Variants in PLAC1 observed in about 807,000 individuals in gnomAD.
The protein encoded by PLAC1 is placenta associated 1.
For missense variants in PLAC1, 136 were observed against 163.2 expected (o/e 0.83, Z 0.91); for synonymous variants, 68 against 62.1 (o/e 1.09, Z -0.44).
At chrX:134,586,111 C>G (rs2077998787) in intron 2 of PLAC1, among the ~76,000 whole-genome samples, 1 of 111,128 alleles carries the variant, frequency 9.0e-6, no homozygotes, top group Non-Finnish European at 1.9e-5. Flanking sequence ...TTGCCCATTT[C>G]TGTGAAAAAA....
chrX:134,728,026 G>A (rs914963610), intron 2 of PLAC1, among the ~76,000 whole-genome samples: 2 of 111,497 alleles, frequency 1.8e-5, no homozygotes, highest in African/African-American at 3.3e-5. Flanking sequence ...ATGTTCAATG[G>A]CGGATTTGAA....
chrX:134,694,808 T>G (rs2078556916), intron 2 of PLAC1, among the ~76,000 whole-genome samples: 1 of 111,828 alleles, frequency 8.9e-6, no homozygotes, highest in Admixed American at 9.5e-5. Flanking sequence ...TCATTTTTAT[T>G]AGCATACGAT....
intron 1 of PLAC1, chrX:134,651,077 G>A: frequency 3.5e-6 from 1 of 283,892 alleles, no homozygotes; most frequent in Non-Finnish European, 7.2e-6. Flanking sequence ...TATGTGAATT[G>A]GAGAAAAAGT....
chrX:134,566,776 T>C (rs2077878921), intron 2 of PLAC1, 36 bp from the exon 3 acceptor site: 1 of 688,777 alleles, frequency 1.5e-6, no homozygotes, highest in Admixed American at 3.1e-5. Flanking sequence ...CAAGTCATCT[T>C]ATTTTCTATT....
chrX:134,565,898 A>C lies in PLAC1; in HGVS notation c.*146T>G. 1 of 440,783 alleles carries C rather than the reference A, an allele frequency of 2.3e-6. No individual in the cohort carries two copies. Among genetic ancestry groups the C allele is most frequent in the Non-Finnish European group, 3.9e-6 (1 of 258,096 alleles). 36.3% of individuals were successfully genotyped at this position (440,783 alleles called of 1,213,427 possible). ...TTACACATGAATATAAAAATATAGA[A>C]AAAGGCTTAATTCATGAAGTTGCTA... On this transcript the variant is annotated 3_prime_UTR_variant, in exon 3 of 3. Transcript: ENST00000359237.
At chrX:134,743,069 T>C (rs1192184086) in intron 1 of PLAC1, among the ~76,000 whole-genome samples, 2 of 111,836 alleles carry the variant, frequency 1.8e-5, no homozygotes, top group Admixed American at 1.9e-4. Flanking sequence ...AGAAAAACCA[T>C]GCTCAAGGAT....
intron 1 of PLAC1, among the ~76,000 whole-genome samples, chrX:134,749,046 G>T (rs1256022526): frequency 8.9e-6 from 1 of 112,286 alleles, no homozygotes; most frequent in East Asian, 2.8e-4. Flanking sequence ...GCTGGGCATG[G>T]TGGCTCACAC....
At chrX:134,639,195 C>T (rs1005634261) in intron 1 of PLAC1, among the ~76,000 whole-genome samples, 1 of 111,638 alleles carries the variant, frequency 9.0e-6, no homozygotes, top group Admixed American at 9.6e-5. Flanking sequence ...CATTTTCTGA[C>T]GACTCTCCTC....
chrX:134,706,221 A>G (rs1248402115), intron 2 of PLAC1, among the ~76,000 whole-genome samples: 1 of 113,094 alleles, frequency 8.8e-6, no homozygotes, highest in Non-Finnish European at 1.9e-5. Flanking sequence ...TATTCATGCC[A>G]GCAAAGGCTG....
chrX:134,616,571 G>C (rs897223298), intron 1 of PLAC1, among the ~76,000 whole-genome samples: 24 of 109,519 alleles, frequency 2.2e-4, no homozygotes, highest in African/African-American at 7.6e-4. Context: ...GGGAGGCAGA[G>C]CTTGCAGTGA....
chrX:134,724,774 G>C (rs1000961063), intron 2 of PLAC1, among the ~76,000 whole-genome samples: 3 of 111,958 alleles, frequency 2.7e-5, no homozygotes, highest in Admixed American at 9.5e-5. Flanking sequence ...AGGCCAAGGT[G>C]GGGGGATCAT....
At chrX:134,595,836 T>C (rs2078059758) in intron 2 of PLAC1, among the ~76,000 whole-genome samples, 1 of 110,321 alleles carries the variant, frequency 9.1e-6, no homozygotes, top group Admixed American at 9.8e-5. Context: ...TGTCTTCTAA[T>C]TGGTGTATTT....
intron 1 of PLAC1, among the ~76,000 whole-genome samples, chrX:134,625,122 C>G: frequency 9.0e-6 from 1 of 111,637 alleles, no homozygotes. Flanking sequence ...ATGAACTCCC[C>G]TTCATTTTAT....
chrX:134,638,344 C>T (rs138063704), intron 1 of PLAC1, among the ~76,000 whole-genome samples: 1,230 of 112,085 alleles, frequency 0.011, 19 homozygotes, highest in African/African-American at 0.036. Context: ...AAGAGTTGTT[C>T]TCCTTAAGTT....
In PLAC1 at chrX:134,730,453, T is replaced by C. The variant is rs1233125257; in HGVS notation, n.174+2982A>G. Among the ~76,000 whole-genome samples, 7 of 110,989 alleles carry C rather than the reference T, an allele frequency of 6.3e-5. No homozygotes were observed. In the East Asian group the frequency reaches 2.0e-3, roughly 31 times the overall value. The stretch of plus-strand genomic sequence containing the variant: ...TGAATAATTACTCAAGATGAATTCT[T>C]TTTTTTAAGAGATAGGGGTCTTGCT... On this transcript the variant is annotated intron_variant and non_coding_transcript_variant, in intron 2 of 2. Transcript: ENST00000466797.
intron 1 of PLAC1, among the ~76,000 whole-genome samples, chrX:134,612,112 C>T (rs2078157045): frequency 8.9e-6 from 1 of 112,431 alleles, no homozygotes; most frequent in Non-Finnish European, 1.9e-5. Context: ...CACCTGATTT[C>T]ATTAGAAAGT....
chrX:134,597,159 C>T (rs1053236593), intron 2 of PLAC1, among the ~76,000 whole-genome samples: 2 of 111,565 alleles, frequency 1.8e-5, no homozygotes, highest in African/African-American at 3.3e-5. Flanking sequence ...AATAATTCTA[C>T]AGGTCCCTGA....
chrX:134,661,499 A>G (rs1316647750), upstream of PLAC1, among the ~76,000 whole-genome samples: 1 of 111,921 alleles, frequency 8.9e-6, no homozygotes, highest in East Asian at 2.8e-4. Context: ...GGGCAGAAGT[A>G]TTGTGTAACT....
chrX:134,670,059 C>G (rs1397291028), intron 2 of PLAC1, among the ~76,000 whole-genome samples: 19 of 96,079 alleles, frequency 2.0e-4, no homozygotes, highest in African/African-American at 6.1e-4. Flanking sequence ...GTCTCTGTCT[C>G]TGGAAAACAT....
Sources: gnomAD v4.1 joint callset for allele counts (sites outside exome capture counted in the v4.1 genomes callset) on GRCh38, gnomAD v4.1.1 for gene constraint, MANE v1.5 for transcripts, NCBI Gene and HGNC (gene_info 2026-07-23, HGNC 2026-07-21) for gene names.